Variants in EXOC6B observed in about 807,000 individuals in gnomAD.
The protein encoded by EXOC6B is exocyst complex component 6B.
In EXOC6B, 54 loss-of-function variants were observed where a neutral mutation model predicts 113.5. The observed-to-expected ratio is 0.48, with a 90% CI of 0.38 to 0.60. The LOEUF is 0.60. Among genes scored for constraint, EXOC6B ranks in the 20% least tolerant of loss-of-function variants. The pLI is 0.00. For synonymous variants in EXOC6B, 357 were observed against 339.0 expected, an observed-to-expected ratio of 1.05 and a Z score of -0.58; for missense variants, 797 against 977.5, an observed-to-expected ratio of 0.82 and a Z score of 2.46.
intron 20 of EXOC6B, among the ~76,000 whole-genome samples, chr2:72,204,974 A>G (rs759822317): frequency 3.9e-5 from 6 of 152,134 alleles, no homozygotes; most frequent in Non-Finnish European, 8.8e-5. Context: ...ACTCAACGGA[A>G]TAGCTGAGGT....
chr2:72,213,275 G>A (rs1347156721), intron 20 of EXOC6B, among the ~76,000 whole-genome samples: 1 of 152,192 alleles, frequency 6.6e-6, no homozygotes, highest in East Asian at 1.9e-4. Flanking sequence ...CTAATACCAC[G>A]TAAAACTGCC....
At chr2:72,206,639 T>A (rs1420601558) in intron 20 of EXOC6B, among the ~76,000 whole-genome samples, 1 of 152,184 alleles carries the variant, frequency 6.6e-6, no homozygotes, top group African/African-American at 2.4e-5. Flanking sequence ...GAATGTCAAC[T>A]CTTTGAGCAA....
chr2:72,816,994 G>A (rs1686287157), intron 1 of EXOC6B, among the ~76,000 whole-genome samples: 1 of 152,166 alleles, frequency 6.6e-6, no homozygotes, highest in Non-Finnish European at 1.5e-5. Context: ...CAGTTTGCTT[G>A]ATAACTCAAT....
At chr2:72,566,854 G>C (rs1191186318) in intron 7 of EXOC6B, among the ~76,000 whole-genome samples, 3 of 151,878 alleles carry the variant, frequency 2.0e-5, no homozygotes. Context: ...AATAGAATGA[G>C]AAAGATTTCT....
At chr2:72,813,849 A>C (rs1037695317) in intron 1 of EXOC6B, among the ~76,000 whole-genome samples, 2 of 152,216 alleles carry the variant, frequency 1.3e-5, no homozygotes, top group African/African-American at 4.8e-5. Context: ...GCTCGTTTAG[A>C]TATTTCACTG....
intron 19 of EXOC6B, among the ~76,000 whole-genome samples, chr2:72,344,705 C>T (rs1033456437): frequency 2.0e-5 from 3 of 152,022 alleles, no homozygotes; most frequent in African/African-American, 7.3e-5. Flanking sequence ...GAGCAGATGC[C>T]TTTCTCTGGA....
chr2:72,492,664 G>GTT (rs34091533), intron 15 of EXOC6B, among the ~76,000 whole-genome samples: 28 of 149,680 alleles, frequency 1.9e-4, no homozygotes, highest in East Asian at 7.8e-4. Flanking sequence ...AATTCTGGCT[G>GTT]TTTTTTTTTC....
intron 19 of EXOC6B, among the ~76,000 whole-genome samples, chr2:72,360,444 C>T (rs911888079): frequency 6.6e-6 from 1 of 152,010 alleles, no homozygotes; most frequent in African/African-American, 2.4e-5. Flanking sequence ...AGCCAACAGT[C>T]TGTGGAACTT....
chr2:72,511,874 G>T (rs1271569120), intron 11 of EXOC6B, among the ~76,000 whole-genome samples: 1 of 152,080 alleles, frequency 6.6e-6, no homozygotes, highest in Non-Finnish European at 1.5e-5. Context: ...TTAGAAAAGA[G>T]AGTTCATGGG....
At chr2:72,226,364 A>G (rs1301681686) in intron 20 of EXOC6B, among the ~76,000 whole-genome samples, 3 of 152,218 alleles carry the variant, frequency 2.0e-5, no homozygotes, top group Non-Finnish European at 4.4e-5. Context: ...AAACTGAGTA[A>G]GGGCACACAG....
At chr2:72,522,103 T>G (rs1701520482) in intron 8 of EXOC6B, among the ~76,000 whole-genome samples, 1 of 152,180 alleles carries the variant, frequency 6.6e-6, no homozygotes, top group Non-Finnish European at 1.5e-5. Context: ...TTTTTATCAT[T>G]TAGTTAAAAA....
intron 6 of EXOC6B, among the ~76,000 whole-genome samples, chr2:72,637,022 C>G (rs970792463): frequency 2.0e-5 from 3 of 150,840 alleles, no homozygotes; most frequent in African/African-American, 7.3e-5. Flanking sequence ...AACATGATAC[C>G]AATGAGCATG....
chr2:72,647,547 A>C (rs1373387873), intron 6 of EXOC6B, among the ~76,000 whole-genome samples: 4 of 152,240 alleles, frequency 2.6e-5, no homozygotes, highest in Non-Finnish European at 5.9e-5. Context: ...AGGCTACAGT[A>C]ACCAAAACAG....
chr2:72,443,406 C>A (rs1467494389), intron 18 of EXOC6B, among the ~76,000 whole-genome samples: 2 of 151,214 alleles, frequency 1.3e-5, no homozygotes, highest in African/African-American at 4.9e-5. Flanking sequence ...CATACATGTA[C>A]AACCATCTGA....
intron 6 of EXOC6B, among the ~76,000 whole-genome samples, chr2:72,705,077 C>T (rs1452041204): frequency 7.9e-5 from 12 of 151,054 alleles, no homozygotes; most frequent in African/African-American, 2.7e-4. Context: ...CAAAAATCCT[C>T]AATAAAATAC....
intron 20 of EXOC6B, among the ~76,000 whole-genome samples, chr2:72,311,824 G>C (rs1455915089): frequency 6.6e-6 from 1 of 152,182 alleles, no homozygotes; most frequent in Non-Finnish European, 1.5e-5. Context: ...TTAAGGGATG[G>C]ATAGAGGAAA....
intron 6 of EXOC6B, among the ~76,000 whole-genome samples, chr2:72,667,738 G>C (rs1275611552): frequency 6.6e-6 from 1 of 152,088 alleles, no homozygotes; most frequent in African/African-American, 2.4e-5. Context: ...ATGGACTAAA[G>C]AATTAAATGT....
chr2:72,408,983 T>C (rs922913512), intron 18 of EXOC6B, among the ~76,000 whole-genome samples: 8 of 152,272 alleles, frequency 5.3e-5, no homozygotes, highest in South Asian at 2.1e-4. Flanking sequence ...AAAGGGCTAA[T>C]ATTCAGAATC....
At chr2:72,583,866 G>A (rs965723709) in intron 6 of EXOC6B, among the ~76,000 whole-genome samples, 6 of 151,898 alleles carry the variant, frequency 4.0e-5, no homozygotes, top group African/African-American at 7.3e-5. Context: ...GACTACAGGC[G>A]CACGCTACCA....
Sources: allele counts gnomAD v4.1 joint callset (sites outside exome capture counted in the v4.1 genomes callset), GRCh38; gene constraint gnomAD v4.1.1; transcripts MANE v1.5; gene names NCBI Gene and HGNC (gene_info 2026-07-23, HGNC 2026-07-21).